The following R3HDM1 variants were observed in gnomAD, a reference collection of about 807,000 sequenced individuals.
The protein encoded by R3HDM1 is R3H domain-containing protein 1.
Under a neutral mutation model 141.1 loss-of-function variants are expected in R3HDM1, and 46 were observed. The ratio of observed to expected loss-of-function variants is 0.33; its 90% CI spans 0.26 to 0.42. R3HDM1 has a LOEUF of 0.42. R3HDM1 is among the 10% of genes least tolerant of loss of function. R3HDM1 has a pLI of 1.00. For synonymous variants in R3HDM1, 435 were observed against 472.9 expected, an observed-to-expected ratio of 0.92 and a Z score of 1.04; for missense variants, 1,184 against 1,368.3, an observed-to-expected ratio of 0.87 and a Z score of 2.12.
chr2:135,572,521 A>G (rs1416099512), intron 1 of R3HDM1, among the ~76,000 whole-genome samples: 1 of 152,234 alleles, frequency 6.6e-6, no homozygotes, highest in Non-Finnish European at 1.5e-5. Context: ...GATGACTATA[A>G]TAAAACAACA....
chr2:135,648,221 C>A lies in R3HDM1; in HGVS notation c.1624-1681C>A, dbSNP rs77369929. 3.0e-3 allele frequency among the ~76,000 whole-genome samples: 455 copies of A among 152,160 alleles called. 3 individuals carry two copies. Among genetic ancestry groups the A allele is most frequent in the African/African-American group, 0.01 (425 of 41,518 alleles). ...AGAGGCTACTTCATAGATCTTTCAG[C>A]TTTTACTGAAAGATTTTTTTAATGC... On this transcript the variant is annotated intron_variant, in intron 16 of 26. Transcript: ENST00000683871.
chr2:135,580,662 A>G (rs1706606023), intron 1 of R3HDM1, among the ~76,000 whole-genome samples: 1 of 152,152 alleles, frequency 6.6e-6, no homozygotes, highest in South Asian at 2.1e-4. Flanking sequence ...CAGCTCTTAA[A>G]CTTCACTCAC....
intron 1 of R3HDM1, among the ~76,000 whole-genome samples, chr2:135,554,242 A>T (rs1700319864): frequency 6.6e-6 from 1 of 152,212 alleles, no homozygotes; most frequent in South Asian, 2.1e-4. Context: ...CCTATTCTGG[A>T]CATTTCATAT....
rs988138344 is a variant in R3HDM1 at position 135,670,339 on chromosome 2, A to T, written c.2153-4993A>T. The T allele has an allele frequency of 1.5e-5, 15 of 984,992 alleles. No individual in the cohort carries two copies. In the African/African-American group the frequency reaches 2.3e-4, roughly 15 times the overall value. The allele number at this position is 984,992 out of a possible 1,614,324, so 61.0% of individuals were successfully genotyped here. A position where few individuals can be genotyped will look rare whatever the true frequency, so the allele number is the denominator to read the frequency against. ...ACAGAGTTTGCTCTAAAATGTTTAT[A>T]TTTTTTGTCCTTTTAGCTACTCAAC... On this transcript the variant is annotated intron_variant, in intron 19 of 26. Coordinates refer to ENST00000683871, the MANE Select transcript of R3HDM1 (RefSeq NM_001378107.1).
intron 19 of R3HDM1, among the ~76,000 whole-genome samples, chr2:135,667,455 A>G (rs1574869131): frequency 6.6e-6 from 1 of 152,120 alleles, no homozygotes; most frequent in African/African-American, 2.4e-5. Context: ...ATCACTTACT[A>G]TTGGCATTTC....
intron 21 of R3HDM1, among the ~76,000 whole-genome samples, chr2:135,701,475 T>C (rs774026108): frequency 5.9e-5 from 9 of 152,198 alleles, no homozygotes; most frequent in Non-Finnish European, 1.3e-4. Flanking sequence ...TGTGAGATGA[T>C]GAAATGCATA....
At chr2:135,635,577 G>T (rs1244037879) in intron 9 of R3HDM1, among the ~76,000 whole-genome samples, 1 of 152,178 alleles carries the variant, frequency 6.6e-6, no homozygotes, top group African/African-American at 2.4e-5. Flanking sequence ...AAGAAACCGG[G>T]AAAGAGAAAG....
At chr2:135,657,055 G>C (rs1044170553) in intron 18 of R3HDM1, among the ~76,000 whole-genome samples, 1 of 151,520 alleles carries the variant, frequency 6.6e-6, no homozygotes, top group Non-Finnish European at 1.5e-5. Flanking sequence ...AGCTGAGATC[G>C]TGCCACTGCA....
chr2:135,625,238 T>C (rs958540338), intron 7 of R3HDM1, among the ~76,000 whole-genome samples: 2 of 152,122 alleles, frequency 1.3e-5, no homozygotes, highest in Non-Finnish European at 2.9e-5. Flanking sequence ...TCACCTGAGG[T>C]CAGGAGTTCG....
chr2:135,654,310 A>AACAC (rs1340392363), intron 18 of R3HDM1, among the ~76,000 whole-genome samples: 1 of 151,392 alleles, frequency 6.6e-6, no homozygotes, highest in African/African-American at 2.4e-5. Flanking sequence ...CACACACACA[A>AACAC]ACACACACAC....
At chr2:135,640,946 G>A (rs900955528) in intron 14 of R3HDM1, among the ~76,000 whole-genome samples, 9 of 152,056 alleles carry the variant, frequency 5.9e-5, no homozygotes, top group Admixed American at 2.0e-4. Context: ...ATATTTCATG[G>A]TATCTCTGTC....
At chr2:135,631,171 C>T (rs1239478828) in intron 7 of R3HDM1, among the ~76,000 whole-genome samples, 2 of 152,080 alleles carry the variant, frequency 1.3e-5, no homozygotes, top group African/African-American at 4.8e-5. Flanking sequence ...TAGAAGTATT[C>T]CTGTTGTTAC....
intron 7 of R3HDM1, among the ~76,000 whole-genome samples, chr2:135,627,057 A>G (rs547274226): frequency 6.6e-6 from 1 of 152,294 alleles, no homozygotes; most frequent in South Asian, 2.1e-4. Flanking sequence ...GTAATGGCTA[A>G]TGTATAAGTT....
chr2:135,536,532 C>A (rs1696167886), intron 1 of R3HDM1: 4 of 928,306 alleles, frequency 4.3e-6, no homozygotes, highest in Non-Finnish European at 5.1e-6. Flanking sequence ...ATAACAACTT[C>A]ATCTGCAAAA....
chr2:135,703,002 G>C (rs1420666240), intron 21 of R3HDM1, among the ~76,000 whole-genome samples: 1 of 152,074 alleles, frequency 6.6e-6, no homozygotes, highest in African/African-American at 2.4e-5. Flanking sequence ...GATGATGGCT[G>C]GTTCATCCTA....
At chr2:135,657,614 T>G (rs2066093095) in intron 18 of R3HDM1, among the ~76,000 whole-genome samples, 1 of 152,072 alleles carries the variant, frequency 6.6e-6, no homozygotes. Context: ...CCTGGCTGGT[T>G]TTCAGATGAG....
At chr2:135,696,759 G>T (rs1216946100) in intron 21 of R3HDM1, among the ~76,000 whole-genome samples, 1 of 152,122 alleles carries the variant, frequency 6.6e-6, no homozygotes, top group Non-Finnish European at 1.5e-5. Context: ...CCAAACTGCT[G>T]GGTTTACAGA....
rs139858819 is a variant in R3HDM1 at position 135,569,718 on chromosome 2, C to CTTTTTTTTTTTTTTTTTTT, written c.-249-32772_-249-32771insTTTTTTTTTTTTTTTTTTT. On this transcript the variant is annotated intron_variant, in intron 1 of 26. Transcript: ENST00000683871. ...GAACATACCTTTCATATAGTAAGCT[C>CTTTTTTTTTTTTTTTTTTT]TTTTTTTTTTGTTGTTGTTTTTTTT... 2.3e-5 allele frequency among the ~76,000 whole-genome samples: 3 copies of CTTTTTTTTTTTTTTTTTTT among 129,360 alleles called. 1 individual carries two copies. The highest frequency in any genetic ancestry group is 1.2e-4 in the African/African-American group (3 of 25,502). 84.9% of individuals were successfully genotyped at this position (129,360 alleles called of 152,430 possible).
At chr2:135,569,000 A>C (rs1408245803) in intron 1 of R3HDM1, among the ~76,000 whole-genome samples, 2 of 149,952 alleles carry the variant, frequency 1.3e-5, no homozygotes, top group Non-Finnish European at 2.9e-5. Flanking sequence ...CTTGGGCATC[A>C]TATCTCCTCT....
Sources: gnomAD v4.1 joint callset for allele counts (sites outside exome capture counted in the v4.1 genomes callset) on GRCh38, gnomAD v4.1.1 for gene constraint, MANE v1.5 for transcripts, NCBI Gene and HGNC (gene_info 2026-07-23, HGNC 2026-07-21) for gene names.